ZNF236: variants seen among roughly 807,000 people sequenced by gnomAD.
ZNF236 encodes regulated by glucose.
In ZNF236, 50 loss-of-function variants were observed where a neutral mutation model predicts 191.2. The ratio of observed to expected loss-of-function variants is 0.26; its 90% CI spans 0.21 to 0.33. The LOEUF (loss-of-function observed/expected upper bound fraction) is 0.33. Ranked by LOEUF, ZNF236 falls within the 10% of genes least tolerant of loss-of-function variation. The probability of loss-of-function intolerance (pLI) is 1.00; values close to 1 mark genes in which losing one functional copy is unlikely to be tolerated. For synonymous variants in ZNF236, 907 were observed against 928.8 expected, an observed-to-expected ratio of 0.98 and a Z score of 0.43; for missense variants, 1,754 against 2,374.5, an observed-to-expected ratio of 0.74 and a Z score of 5.43.
At chr18:76,832,512 C>CT (rs958221547) in intron 1 of ZNF236, among the ~76,000 whole-genome samples, 3 of 148,404 alleles carry the variant, frequency 2.0e-5, no homozygotes, top group African/African-American at 5.0e-5. Context: ...CCATTTTTGT[C>CT]TTTTTTTTAC....
At chr18:76,910,378 C>G (rs961659277) in intron 15 of ZNF236, among the ~76,000 whole-genome samples, 5 of 152,048 alleles carry the variant, frequency 3.3e-5, no homozygotes, top group African/African-American at 1.2e-4. Flanking sequence ...ACCTTTGCAG[C>G]CATTCTACAC....
intron 2 of ZNF236, 113 bp downstream of exon 2, chr18:76,849,781 T>A: frequency 1.0e-6 from 1 of 963,068 alleles, no homozygotes; most frequent in South Asian, 3.1e-5. Flanking sequence ...AGTAGAACAT[T>A]TTATATTCTA....
intron 25 of ZNF236, among the ~76,000 whole-genome samples, chr18:76,929,517 A>C (rs1291100572): frequency 6.6e-6 from 1 of 152,206 alleles, no homozygotes; most frequent in African/African-American, 2.4e-5. Flanking sequence ...AAGAAAATGT[A>C]TTCTTCAGTT....
In ZNF236 at chr18:76,927,775, A is replaced by G; in HGVS notation, c.4415-152A>G. The G allele has an allele frequency of 1.2e-6, 1 of 819,210 alleles. No individual in the cohort carries two copies. Among genetic ancestry groups the G allele is most frequent in the Non-Finnish European group, 1.8e-6 (1 of 545,006 alleles). 50.7% of individuals were successfully genotyped at this position (819,210 alleles called of 1,614,324 possible). A position where few individuals can be genotyped will look rare whatever the true frequency, so the allele number is the denominator to read the frequency against. ...TTTCCTCACAAGGCTTTCTTCTTAG[A>G]CGAAGGAATTAGAGATGACTGATGC... On this transcript the variant is annotated intron_variant, in intron 24 of 30. Coordinates refer to ENST00000320610, the MANE Select transcript of ZNF236 (RefSeq NM_001306089.2). The surrounding 1 kb of genome is among the most constrained non-coding windows in gnomAD (Gnocchi z 5.4).
At chr18:76,933,906 T>C (rs527834105) in intron 25 of ZNF236, among the ~76,000 whole-genome samples, 4 of 152,324 alleles carry the variant, frequency 2.6e-5, no homozygotes, top group African/African-American at 9.6e-5. Flanking sequence ...GAGCAATATT[T>C]ATCTAGAGTC....
chr18:76,902,447 A>G (rs1167971781), intron 11 of ZNF236, among the ~76,000 whole-genome samples: 1 of 152,218 alleles, frequency 6.6e-6, no homozygotes, highest in Non-Finnish European at 1.5e-5. Context: ...AATGTGGAAG[A>G]GGAAACCTGC....
chr18:76,876,750 G>A lies in ZNF236; in HGVS notation c.840+1086G>A, dbSNP rs371653754. ...GTCATTCTTGTGGTGTTGCCTCTGG[G>A]TGAAGATGATTGCATAGGAAGGATC... On this transcript the variant is annotated intron_variant, in intron 6 of 30. Coordinates refer to ENST00000320610, the MANE Select transcript of ZNF236 (RefSeq NM_001306089.2). 3.1e-4 allele frequency among the ~76,000 whole-genome samples: 47 copies of A among 152,292 alleles called. 3 individuals carry two copies. The South Asian group carries it at 8.7e-3, about 28-fold the overall frequency.
chr18:76,825,448 G>A (rs916569409), intron 1 of ZNF236, among the ~76,000 whole-genome samples: 1 of 152,018 alleles, frequency 6.6e-6, no homozygotes. Flanking sequence ...CACGAATCTA[G>A]GTGGTGGTGG....
At chr18:76,883,297 G>GT (rs950679044) in intron 9 of ZNF236, among the ~76,000 whole-genome samples, 22 of 149,790 alleles carry the variant, frequency 1.5e-4, no homozygotes, top group Admixed American at 1.3e-3. Context: ...TACTGAGCAA[G>GT]TGCATGCAGT....
At chr18:76,833,339 G>A (rs9646580) in intron 1 of ZNF236, among the ~76,000 whole-genome samples, 2 of 151,984 alleles carry the variant, frequency 1.3e-5, no homozygotes, top group African/African-American at 4.8e-5. Context: ...GGTTTCTTTT[G>A]GGGGGTGGAG....
intron 26 of ZNF236, among the ~76,000 whole-genome samples, chr18:76,942,493 A>G (rs1410281215): frequency 2.0e-5 from 3 of 151,886 alleles, no homozygotes; most frequent in Non-Finnish European, 4.4e-5. Context: ...TCTATTTTAT[A>G]ATTTTTTTAA....
At chr18:76,964,498 G>C (rs750120203) in intron 30 of ZNF236, among the ~76,000 whole-genome samples, 8 of 152,192 alleles carry the variant, frequency 5.3e-5, no homozygotes, top group Non-Finnish European at 1.2e-4. Context: ...CTGTCTTGGA[G>C]AAAGTTCCAT....
At chr18:76,904,320 C>T in intron 11 of ZNF236, 60 bp from the exon 12 acceptor site, 1 of 1,483,922 alleles carries the variant, frequency 6.7e-7, no homozygotes, top group Non-Finnish European at 9.0e-7. Flanking sequence ...TGCCTTGTGA[C>T]ATTTAATTGT....
At chr18:76,842,280 G>A (rs953150798) in intron 1 of ZNF236, among the ~76,000 whole-genome samples, 8 of 146,440 alleles carry the variant, frequency 5.5e-5, no homozygotes, top group South Asian at 2.1e-4. Flanking sequence ...ACCTTCACCC[G>A]TGATAATTAT....
chr18:76,946,373 T>C (rs547289349), intron 26 of ZNF236, among the ~76,000 whole-genome samples: 1 of 152,330 alleles, frequency 6.6e-6, no homozygotes, highest in South Asian at 2.1e-4. Context: ...ACCTCTTTCT[T>C]TTGTAAATTG....
chr18:76,826,693 G>A (rs1439450529), intron 1 of ZNF236, among the ~76,000 whole-genome samples: 3 of 150,908 alleles, frequency 2.0e-5, no homozygotes, highest in African/African-American at 7.3e-5. Context: ...CAGCTACTTG[G>A]GAGTGCTGAG....
chr18:76,914,633 G>A (rs989808226), intron 18 of ZNF236, among the ~76,000 whole-genome samples: 1 of 152,084 alleles, frequency 6.6e-6, no homozygotes, highest in Non-Finnish European at 1.5e-5. Context: ...GCTTTGATTT[G>A]CATTTCTTCG....
chr18:76,832,443 T>A lies in ZNF236; in HGVS notation c.55+9781T>A, dbSNP rs1257767990. ...TGATTTGAAGAGGGAAAGGTCAGGATTTTTTTTTTTTTTTACACATATAGA... is the reference window on the plus strand; with the variant it reads ...TGATTTGAAGAGGGAAAGGTCAGGAATTTTTTTTTTTTTTACACATATAGA... On this transcript the variant is annotated intron_variant, in intron 1 of 30. Coordinates refer to ENST00000320610, the MANE Select transcript of ZNF236 (RefSeq NM_001306089.2). 3.8e-5 allele frequency among the ~76,000 whole-genome samples: 5 copies of A among 132,210 alleles called. No individual in the cohort carries two copies. The East Asian group carries it at 1.0e-3, about 26-fold the overall frequency. 86.7% of individuals were successfully genotyped at this position (132,210 alleles called of 152,430 possible).
At chr18:76,950,617 T>A (rs180811242) in intron 27 of ZNF236, among the ~76,000 whole-genome samples, 1 of 152,350 alleles carries the variant, frequency 6.6e-6, no homozygotes, top group Admixed American at 6.5e-5. Flanking sequence ...TGTAGTTACT[T>A]CTTCTGCTGA....
Sources: gnomAD v4.1 joint callset for allele counts (sites outside exome capture counted in the v4.1 genomes callset) on GRCh38, gnomAD v4.1.1 for gene constraint, Gnocchi (gnomAD v3.1) non-coding constraint, MANE v1.5 for transcripts, NCBI Gene and HGNC (gene_info 2026-07-23, HGNC 2026-07-21) for gene names.